Variants in RNF24 observed in about 807,000 individuals in gnomAD.
The protein encoded by RNF24 is ring finger protein 24.
In RNF24, 14 loss-of-function variants were observed where a neutral mutation model predicts 20.0. The ratio of observed to expected loss-of-function variants is 0.70; its 90% CI spans 0.46 to 1.10. RNF24 has a LOEUF of 1.10. Among genes scored for constraint, RNF24 ranks in the 50% least tolerant of loss-of-function variants. RNF24 has a pLI of 0.00. For missense variants in RNF24, 124 were observed against 177.6 expected, an observed-to-expected ratio of 0.70 and a Z score of 1.71; for synonymous variants, 45 against 61.1, an observed-to-expected ratio of 0.74 and a Z score of 1.23.
chr20:3,974,760 A>G (rs1978715179), intron 1 of RNF24, among the ~76,000 whole-genome samples: 1 of 152,220 alleles, frequency 6.6e-6, no homozygotes, highest in Non-Finnish European at 1.5e-5. Flanking sequence ...GGAATCAAGT[A>G]AAATCTAAAT....
At chr20:3,963,747 G>A (rs1210817064) in intron 2 of RNF24, 128 bp downstream of exon 2, 4 of 661,864 alleles carry the variant, frequency 6.0e-6, no homozygotes, top group Non-Finnish European at 1.0e-5. Flanking sequence ...GATTAAAACG[G>A]TAAGCCATCT....
chr20:3,952,152 G>T (rs1433517113), intron 2 of RNF24, among the ~76,000 whole-genome samples: 1 of 133,594 alleles, frequency 7.5e-6, no homozygotes, highest in Non-Finnish European at 1.6e-5. Flanking sequence ...ATTTCCACCA[G>T]AAAAAAAAAA....
intron 1 of RNF24, among the ~76,000 whole-genome samples, chr20:4,007,085 A>C (rs1402852810): frequency 1.3e-5 from 2 of 152,266 alleles, no homozygotes; most frequent in Non-Finnish European, 2.9e-5. Context: ...AAAGAGGCAG[A>C]GCAAACGCTA....
At chr20:3,956,784 T>TA (rs939183852) in intron 2 of RNF24, among the ~76,000 whole-genome samples, 1 of 152,236 alleles carries the variant, frequency 6.6e-6, no homozygotes, top group Non-Finnish European at 1.5e-5. Flanking sequence ...ATCTATATCC[T>TA]TATAGGGTTT....
Position 3,933,899 on chromosome 20 carries a change from C to T in RNF24, c.*164G>A. The T allele has an allele frequency of 9.0e-6, 5 of 556,642 alleles. No individual in the cohort carries two copies. Among genetic ancestry groups the T allele is most frequent in the Non-Finnish European group, 1.1e-5 (4 of 350,752 alleles). The allele number at this position is 556,642 out of a possible 1,614,324, so 34.5% of individuals were successfully genotyped here. ...CAAAGTGCTTTGGTTGTCACAAGAC[C>T]CAGACACCTAGGTTCCCAGTTTGGC... On this transcript the variant is annotated 3_prime_UTR_variant, in exon 6 of 6. Coordinates refer to ENST00000358395, the MANE Select transcript of RNF24 (RefSeq NM_001134337.3).
intron 1 of RNF24, among the ~76,000 whole-genome samples, chr20:3,991,233 TA>T (rs1343654992): frequency 6.7e-6 from 1 of 149,298 alleles, no homozygotes; most frequent in Non-Finnish European, 1.5e-5. Context: ...TATTTTTATT[TA>T]TTTTTTAAAC....
intron 1 of RNF24, among the ~76,000 whole-genome samples, chr20:3,982,402 C>T (rs1424344947): frequency 6.7e-6 from 1 of 149,648 alleles, no homozygotes; most frequent in African/African-American, 2.5e-5. Context: ...ATGGTGAAAC[C>T]CTGTCTCTAC....
chr20:4,009,182 T>C lies in RNF24; in HGVS notation c.-8+6255A>G, dbSNP rs529354985. Among the ~76,000 whole-genome samples the C allele has an allele frequency of 2.6e-5, 4 of 152,208 alleles. No homozygotes were observed. The East Asian group carries it at 7.7e-4, about 29-fold the overall frequency. ...ACACAAAAATTATTAAACAACAGAA[T>C]TTCAGAGGGTGGTACGTACTATAGA... On this transcript the variant is annotated intron_variant, in intron 1 of 5. Coordinates refer to ENST00000358395, the MANE Select transcript of RNF24 (RefSeq NM_001134337.3).
intron 1 of RNF24, among the ~76,000 whole-genome samples, chr20:4,001,683 C>T (rs528798647): frequency 6.6e-6 from 1 of 152,226 alleles, no homozygotes; most frequent in South Asian, 2.1e-4. Flanking sequence ...ACGCCCGTAG[C>T]CCAGCACTTT....
At chr20:4,000,393 C>T (rs6107389) in intron 1 of RNF24, among the ~76,000 whole-genome samples, 2,063 of 152,096 alleles carry the variant, frequency 0.014, 56 homozygotes, top group African/African-American at 0.048. Flanking sequence ...GGTGTGGTGG[C>T]GCATGCCTGT....
chr20:3,960,753 T>G (rs182744105), intron 2 of RNF24, among the ~76,000 whole-genome samples: 66 of 152,346 alleles, frequency 4.3e-4, no homozygotes, highest in African/African-American at 1.5e-3. Context: ...TGATTAAACA[T>G]GATAATTCAA....
At chr20:4,013,772 A>C (rs1040397655) in intron 1 of RNF24, among the ~76,000 whole-genome samples, 4 of 152,194 alleles carry the variant, frequency 2.6e-5, no homozygotes, top group African/African-American at 9.7e-5. Flanking sequence ...GGTGTGAGCC[A>C]CCGCACCCGA....
intron 3 of RNF24, among the ~76,000 whole-genome samples, chr20:3,945,887 A>G (rs2146957337): frequency 6.6e-6 from 1 of 152,318 alleles, no homozygotes; most frequent in Non-Finnish European, 1.5e-5. Context: ...AAAGTGAAGA[A>G]AATAGGCAAG....
intron 4 of RNF24, among the ~76,000 whole-genome samples, chr20:3,942,496 G>A (rs1170982890): frequency 5.4e-5 from 8 of 149,006 alleles, no homozygotes; most frequent in Non-Finnish European, 1.0e-4. Context: ...TTTTTGAGAC[G>A]GAGTCTTACT....
chr20:4,006,788 T>G (rs901318997), intron 1 of RNF24, among the ~76,000 whole-genome samples: 3 of 152,212 alleles, frequency 2.0e-5, no homozygotes, highest in Non-Finnish European at 4.4e-5. Context: ...TTAGGGCACA[T>G]GGAGGGCCCA....
chr20:3,952,392 A>T (rs1378125406), intron 2 of RNF24, among the ~76,000 whole-genome samples: 1 of 152,144 alleles, frequency 6.6e-6, no homozygotes, highest in Non-Finnish European at 1.5e-5. Flanking sequence ...CCTATATGGA[A>T]AAAAGTAATT....
chr20:3,973,500 C>CAAAGAAAAAA (rs1978563242), intron 1 of RNF24, among the ~76,000 whole-genome samples: 1 of 101,120 alleles, frequency 9.9e-6, no homozygotes, highest in African/African-American at 3.9e-5. Flanking sequence ...GGAAGAATGA[C>CAAAGAAAAAA]AAAAAAAAAA....
intron 1 of RNF24, among the ~76,000 whole-genome samples, chr20:3,977,693 G>T (rs992415233): frequency 6.6e-6 from 1 of 151,790 alleles, no homozygotes; most frequent in Admixed American, 6.6e-5. Flanking sequence ...GTGAAACCCC[G>T]TGTCTACTAA....
chr20:3,947,538 T>A (rs2091033394), intron 3 of RNF24, among the ~76,000 whole-genome samples: 1 of 152,346 alleles, frequency 6.6e-6, no homozygotes, highest in East Asian at 1.9e-4. Flanking sequence ...ATGAGATCAC[T>A]GTAACACAGC....
Sources: allele counts gnomAD v4.1 joint callset (sites outside exome capture counted in the v4.1 genomes callset), GRCh38; gene constraint gnomAD v4.1.1; transcripts MANE v1.5; gene names NCBI Gene and HGNC (gene_info 2026-07-23, HGNC 2026-07-21).